Variants in TMEM130 observed in about 807,000 individuals in gnomAD.
The protein encoded by TMEM130 is transmembrane protein 130.
TMEM130 carries 37 observed loss-of-function variants against 42.9 expected under a neutral mutation model. The observed-to-expected ratio is 0.86, with a 90% CI of 0.66 to 1.13. The LOEUF (loss-of-function observed/expected upper bound fraction) is 1.13, where lower values mean the gene tolerates loss of function less well. Ranked by LOEUF, TMEM130 falls within the 50% of genes most tolerant of loss-of-function variation. The pLI is 0.00. For synonymous variants in TMEM130, 259 were observed against 237.7 expected (o/e 1.09, Z -0.82); for missense variants, 545 against 562.6 (o/e 0.97, Z 0.32).
At position 98,855,237 on chromosome 7, in the gene TMEM130, T is replaced by TA. The variant is rs1562907136; in HGVS notation, c.803+2dup. 4.3e-6 allele frequency: 7 copies of TA among 1,612,820 alleles called. No individual in the cohort carries two copies. Among genetic ancestry groups the TA allele is most frequent in the Non-Finnish European group, 5.9e-6 (7 of 1,179,274 alleles). On this transcript the variant is annotated splice_region_variant and intron_variant, in intron 5 of 7. Coordinates refer to ENST00000339375, the MANE Select transcript of TMEM130 (RefSeq NM_152913.3). The stretch of plus-strand genomic sequence containing the variant: ...CCCCCAGTGCGCTCTGGAGCTCACT[T>TA]ACCTCCCCAGGAAGTTCAAGGTCAC...
chr7:98,863,806 CTCT>C (rs1303902946), intron 1 of TMEM130, among the ~76,000 whole-genome samples: 45 of 145,834 alleles, frequency 3.1e-4, no homozygotes, highest in African/African-American at 1.0e-3. Flanking sequence ...TTCTTTCTTT[CTCT>C]TCTTTCTTTT....
Position 98,863,097 on chromosome 7 carries a change from G to A in TMEM130, c.389C>T (p.Thr130Ile). ...VARGFVVLPI[T>I]EFLVGDLVVT... is the part of the protein sequence containing the mutation. The stretch of plus-strand genomic sequence containing the variant: ...TAGCAAATGGGAGCGACCCTCACCT[G>A]TGATGGGGAGGACCACAAAGCCCCT... Residue 130 changes from threonine (T) to isoleucine (I), a missense_variant and splice_region_variant, in exon 2 of 8, where the codon ACA becomes ATA. Physicochemically the swap from Thr to Ile is moderately conservative, Grantham distance 89 (BLOSUM62 -1). Coordinates refer to ENST00000339375, the MANE Select transcript of TMEM130 (RefSeq NM_152913.3). The A allele has an allele frequency of 6.2e-7, 1 of 1,611,404 alleles. No homozygotes were observed. Among genetic ancestry groups the A allele is most frequent in the Non-Finnish European group, 8.5e-7 (1 of 1,178,868 alleles).
chr7:98,864,744 C>CA (rs1794870881), intron 1 of TMEM130, among the ~76,000 whole-genome samples: 1 of 151,862 alleles, frequency 6.6e-6, no homozygotes, highest in Admixed American at 6.6e-5. Context: ...ACTAAAAATA[C>CA]AAAAAATTAG....
In TMEM130 at chr7:98,863,352, G is replaced by T. The variant is rs372662028; in HGVS notation, c.134C>A (p.Ala45Glu). The T allele has an allele frequency of 3.2e-5, 51 of 1,607,354 alleles. No homozygotes were observed. The highest frequency in any genetic ancestry group is 4.1e-5 in the Non-Finnish European group (48 of 1,178,676). ...CAGGCTGGCCGAGATGGTCACCACC[G>T]CTCCCGTGGTGGCAGGGCTATCGGT... ...LTTDSPATTG[A>E]VVTISASLVA... is the part of the protein sequence containing the mutation. Residue 45 changes from alanine to glutamate, a missense_variant, in exon 2 of 8, where the codon GCG becomes GAG. Physicochemically the swap from Ala to Glu is moderately radical, Grantham distance 107. Transcript: ENST00000339375.
At position 98,863,405 on chromosome 7, in the gene TMEM130, G is replaced by A. The variant is rs1794834289; in HGVS notation, c.86-5C>T. 4.5e-6 allele frequency: 7 copies of A among 1,567,538 alleles called. No homozygotes were observed. The African/African-American group carries it at 6.7e-5, about 15-fold the overall frequency. On this transcript the variant is annotated splice_polypyrimidine_tract_variant and splice_region_variant and intron_variant, in intron 1 of 7. Coordinates refer to ENST00000339375, the MANE Select transcript of TMEM130 (RefSeq NM_152913.3). ...TGAGATTGAGTTCATACAGGCCTAG[G>A]AGCCCAGAAACAAAGACTGTGTTTC...
intron 5 of TMEM130, among the ~76,000 whole-genome samples, chr7:98,854,620 C>T (rs968282526): frequency 2.6e-5 from 4 of 152,178 alleles, no homozygotes; most frequent in Non-Finnish European, 5.9e-5. Flanking sequence ...ACCTGTAGTT[C>T]CAGCCACCCA....
At chr7:98,851,739 A>T (rs1389993820) in intron 5 of TMEM130, 116 bp from the exon 6 acceptor site, 2 of 923,840 alleles carry the variant, frequency 2.2e-6, no homozygotes, top group African/African-American at 3.3e-5. Flanking sequence ...AGGACAGGAC[A>T]TCAAGCCGTC....
intron 2 of TMEM130, among the ~76,000 whole-genome samples, chr7:98,862,847 T>C (rs1794815016): frequency 1.3e-5 from 2 of 152,152 alleles, no homozygotes; most frequent in Non-Finnish European, 2.9e-5. Flanking sequence ...CCAGTCGCTC[T>C]CCACAGGGTT....
At chr7:98,848,235 A>G (rs1364315211) in intron 7 of TMEM130, 27 bp from the exon 8 acceptor site, 1 of 1,613,582 alleles carries the variant, frequency 6.2e-7, no homozygotes, top group Non-Finnish European at 8.5e-7. Flanking sequence ...GAAAAGTCAA[A>G]ATCAGCCACC....
intron 6 of TMEM130, among the ~76,000 whole-genome samples, chr7:98,850,288 T>TTTTTTTTTTTTTTTTA (rs1554398034): frequency 3.6e-5 from 4 of 112,520 alleles, no homozygotes; most frequent in African/African-American, 1.2e-4. Flanking sequence ...TTTTTTTTTT[T>TTTTTTTTTTTTTTTTA]AATTTTTTGA....
intron 5 of TMEM130, 124 bp from the exon 6 acceptor site, chr7:98,851,747 GT>G: frequency 2.4e-6 from 2 of 832,770 alleles, no homozygotes; most frequent in Non-Finnish European, 3.6e-6. Context: ...ACATCAAGCC[GT>G]CCTGGACTCA....
At chr7:98,861,979 C>T (rs1584243117) in intron 2 of TMEM130, among the ~76,000 whole-genome samples, 1 of 152,042 alleles carries the variant, frequency 6.6e-6, no homozygotes, top group Admixed American at 6.6e-5. Context: ...GTGTATTTAC[C>T]CATGGCCTTA....
intron 6 of TMEM130, among the ~76,000 whole-genome samples, chr7:98,849,712 A>G (rs1554397911): frequency 6.6e-6 from 1 of 152,154 alleles, no homozygotes; most frequent in African/African-American, 2.4e-5. Context: ...AGCACTGGGA[A>G]GAACTAACTC....
intron 2 of TMEM130, among the ~76,000 whole-genome samples, chr7:98,862,487 C>CT (rs57165730): frequency 0.051 from 3,338 of 65,770 alleles, 745 homozygotes; most frequent in African/African-American, 0.17. Flanking sequence ...ACAATAATTT[C>CT]TTTTTTTTTT....
intron 1 of TMEM130, among the ~76,000 whole-genome samples, chr7:98,864,631 G>T (rs1405901815): frequency 6.6e-6 from 1 of 151,790 alleles, no homozygotes; most frequent in Non-Finnish European, 1.5e-5. Context: ...AGGCATCATG[G>T]CTCATGCCTG....
intron 5 of TMEM130, among the ~76,000 whole-genome samples, chr7:98,852,879 G>A (rs1212624865): frequency 6.6e-6 from 1 of 152,152 alleles, no homozygotes; most frequent in Non-Finnish European, 1.5e-5. Flanking sequence ...TTGCAGACAT[G>A]AGCTACCGTC....
intron 2 of TMEM130, among the ~76,000 whole-genome samples, chr7:98,862,027 A>C (rs1794781192): frequency 1.3e-5 from 2 of 152,148 alleles, no homozygotes; most frequent in Non-Finnish European, 2.9e-5. Context: ...TAGTGGTATA[A>C]ATGATTTTAT....
chr7:98,851,641 C>T lies in TMEM130; in HGVS notation c.804-18G>A, dbSNP rs368003501. Reference sequence around the variant, plus strand: ...GAGGAGGGCTGCAGGGAAATGGGGGCGGTTTTTAAGAAAAGGCTCAGCAAA... The same window carrying T: ...GAGGAGGGCTGCAGGGAAATGGGGGTGGTTTTTAAGAAAAGGCTCAGCAAA... On this transcript the variant is annotated intron_variant, in intron 5 of 7. Transcript: ENST00000339375. The T allele has an allele frequency of 1.7e-4, 275 of 1,591,138 alleles. No homozygotes were observed. The highest frequency in any genetic ancestry group is 2.1e-4 in the Non-Finnish European group (248 of 1,167,654).
Position 98,860,310 on chromosome 7 carries a change from G to T in TMEM130, c.420C>A (p.Thr140=). Residue 140 remains threonine, a synonymous_variant, in exon 3 of 8, where the codon ACC becomes ACA. Coordinates refer to ENST00000339375, the MANE Select transcript of TMEM130 (RefSeq NM_152913.3). ...TGGGCCAGGGTAGGGAAGTGTTCTG[G>T]GTGACAACAAGGTCCCCCACGAGGA... ...TEFLVGDLVV[T]QNTSLPWPSS... is the part of the protein sequence containing the mutation. The T allele has an allele frequency of 6.2e-7, 1 of 1,604,478 alleles. No individual in the cohort carries two copies. Among genetic ancestry groups the T allele is most frequent in the Non-Finnish European group, 8.5e-7 (1 of 1,174,444 alleles).
Sources: gnomAD v4.1 joint callset for allele counts (sites outside exome capture counted in the v4.1 genomes callset) on GRCh38, gnomAD v4.1.1 for gene constraint, MANE v1.5 for transcripts, NCBI Gene and HGNC (gene_info 2026-07-23, HGNC 2026-07-21) for gene names.